Variants in SRPX observed in about 807,000 individuals in gnomAD.
SRPX encodes the protein sushi repeat-containing protein SRPX.
SRPX carries 24 observed loss-of-function variants against 38.1 expected under a neutral mutation model. The observed-to-expected ratio is 0.63, with a 90% confidence interval of 0.46 to 0.89. SRPX has a LOEUF of 0.89. SRPX is among the 40% of genes least tolerant of loss of function. The pLI, the probability that SRPX is intolerant of heterozygous loss-of-function variation, is 0.00. For missense variants in SRPX, 416 were observed against 377.8 expected (o/e 1.10, Z -0.84); for synonymous variants, 184 against 153.8 (o/e 1.20, Z -1.45).
chrX:38,194,607 T>TAAAACTAGCAACAACCCAAAATGCAC (rs1481894791), intron 1 of SRPX, among the ~76,000 whole-genome samples: 1 of 111,727 alleles, frequency 9.0e-6, no homozygotes, highest in African/African-American at 3.2e-5. Context: ...TACAAGAACA[T>TAAAACTAGCAACAACCCAAAATGCAC]AAAACTAGCA....
chrX:38,161,101 G>A (rs779706123), intron 5 of SRPX, 47 bp from the exon 6 acceptor site: 2 of 1,192,911 alleles, frequency 1.7e-6, no homozygotes, highest in South Asian at 1.8e-5. Flanking sequence ...TTATGGACCT[G>A]ACAAGCAAGT....
intron 2 of SRPX, among the ~76,000 whole-genome samples, chrX:38,177,809 A>G (rs1938592579): frequency 8.9e-6 from 1 of 111,976 alleles, no homozygotes; most frequent in Non-Finnish European, 1.9e-5. Flanking sequence ...TGAGCAACAT[A>G]CTTTAACATA....
chrX:38,203,555 G>T (rs1227228381), intron 1 of SRPX, among the ~76,000 whole-genome samples: 1 of 113,164 alleles, frequency 8.8e-6, no homozygotes, highest in African/African-American at 3.2e-5. Context: ...GAGGCGAGTG[G>T]ATCACCTGAG....
chrX:38,159,912 G>A (rs1938207907), intron 7 of SRPX, 105 bp downstream of exon 7: 1 of 899,063 alleles, frequency 1.1e-6, no homozygotes, highest in African/African-American at 2.0e-5. Flanking sequence ...AAGAGGGATG[G>A]CCATGAACTT....
chrX:38,195,409 C>T (rs1448295866), intron 1 of SRPX, among the ~76,000 whole-genome samples: 3 of 104,908 alleles, frequency 2.9e-5, no homozygotes, highest in African/African-American at 1.1e-4. Context: ...TTTACCATAC[C>T]CATATTATGT....
At chrX:38,195,252 T>A (rs1043795838) in intron 1 of SRPX, among the ~76,000 whole-genome samples, 3 of 111,210 alleles carry the variant, frequency 2.7e-5, no homozygotes, top group Non-Finnish European at 3.8e-5. Flanking sequence ...TTTAGGACAT[T>A]GGTTACCTCT....
chrX:38,219,113 A>G lies in SRPX; in HGVS notation c.97+1583T>C, dbSNP rs145030817. Among the ~76,000 whole-genome samples, 90 of 111,032 alleles carry G rather than the reference A, an allele frequency of 8.1e-4. 3 individuals carry two copies. In the East Asian group the frequency reaches 0.024, roughly 29 times the overall value. On this transcript the variant is annotated intron_variant, in intron 1 of 9. Coordinates refer to ENST00000378533, the MANE Select transcript of SRPX (RefSeq NM_006307.5). ...AGTGAATGCCCAAACTGGCGAACTC[A>G]TGATTCTGTGGCTGGGCCCTGGTAG... is the stretch of plus-strand genomic sequence containing the variant.
intron 1 of SRPX, among the ~76,000 whole-genome samples, chrX:38,178,696 G>A (rs920882345): frequency 2.7e-5 from 3 of 111,718 alleles, no homozygotes; most frequent in Non-Finnish European, 5.6e-5. Flanking sequence ...GTGTGCATCA[G>A]ACACAGTCCA....
At chrX:38,213,930 G>A (rs778201937) in intron 1 of SRPX, among the ~76,000 whole-genome samples, 3 of 111,331 alleles carry the variant, frequency 2.7e-5, no homozygotes, top group Non-Finnish European at 5.7e-5. Context: ...TGAGAAATCC[G>A]CCCCCCATGA....
intron 1 of SRPX, among the ~76,000 whole-genome samples, chrX:38,217,747 A>T (rs1024347428): frequency 4.5e-5 from 5 of 112,294 alleles, no homozygotes; most frequent in African/African-American, 1.6e-4. Flanking sequence ...AGAGAAAAGC[A>T]GCACTTTGGT....
intron 1 of SRPX, among the ~76,000 whole-genome samples, chrX:38,199,196 G>T (rs12393779): frequency 0.28 from 30,513 of 109,938 alleles, 4,174 homozygotes; most frequent in Non-Finnish European, 0.41. Flanking sequence ...CACGAGGTCA[G>T]GAGATCGAGA....
chrX:38,199,262 C>CT (rs1210666453), intron 1 of SRPX, among the ~76,000 whole-genome samples: 1 of 111,442 alleles, frequency 9.0e-6, no homozygotes, highest in African/African-American at 3.3e-5. Flanking sequence ...AAAAATTAGC[C>CT]AGGCGTGGTG....
rs1602447367 is a variant in SRPX, at chrX:38,172,179, C to T, written c.350-122G>A. On this transcript the variant is annotated intron_variant, in intron 3 of 9. Coordinates refer to ENST00000378533, the MANE Select transcript of SRPX (RefSeq NM_006307.5). ...TTAATTTAAATATAAGAAGGCCAGG[C>T]GCAGTGGCTCACTCCTGTAATCCCA... 22 of 740,215 alleles carry T rather than the reference C, an allele frequency of 3.0e-5. No individual in the cohort carries two copies. The East Asian group carries it at 7.4e-4, about 25-fold the overall frequency. 61.0% of individuals were successfully genotyped at this position (740,215 alleles called of 1,213,427 possible). A position where few individuals can be genotyped will look rare whatever the true frequency, so the allele number is the denominator to read the frequency against.
chrX:38,152,574 T>C (rs781699925), intron 9 of SRPX, among the ~76,000 whole-genome samples: 1 of 112,342 alleles, frequency 8.9e-6, no homozygotes, highest in Non-Finnish European at 1.9e-5. Context: ...CAGGGGATTC[T>C]GATGGAGGTT....
intron 2 of SRPX, among the ~76,000 whole-genome samples, chrX:38,177,835 T>C (rs914339476): frequency 1.5e-4 from 17 of 112,195 alleles, no homozygotes; most frequent in African/African-American, 5.2e-4. Context: ...TCAGAAGCCA[T>C]GCTGGGCTCA....
In SRPX at chrX:38,211,283, T is replaced by C. The variant is rs184436921; in HGVS notation, c.97+9413A>G. Reference sequence around the variant, plus strand: ...CATCTTTGGCCTGCCTGGACTTTGTTTGCAGACCTTCACCCTAGATTACTG... The same window carrying C: ...CATCTTTGGCCTGCCTGGACTTTGTCTGCAGACCTTCACCCTAGATTACTG... On this transcript the variant is annotated intron_variant, in intron 1 of 9. Transcript: ENST00000378533. Among the ~76,000 whole-genome samples the C allele has an allele frequency of 1.5e-3, 169 of 112,520 alleles. 1 individual carries two copies. Among genetic ancestry groups the C allele is most frequent in the Non-Finnish European group, 1.6e-3 (86 of 53,296 alleles).
chrX:38,206,473 A>G (rs1939214032), intron 1 of SRPX, among the ~76,000 whole-genome samples: 1 of 112,497 alleles, frequency 8.9e-6, no homozygotes, highest in Non-Finnish European at 1.9e-5. Context: ...CCAAGTGTCC[A>G]TCACAGAAGC....
chrX:38,152,138 A>G (rs1198610991), intron 9 of SRPX, among the ~76,000 whole-genome samples: 1 of 111,597 alleles, frequency 9.0e-6, no homozygotes, highest in Non-Finnish European at 1.9e-5. Flanking sequence ...TTCTTTGCCT[A>G]AATCATCTTT....
rs1302758274 is a variant in SRPX at position 38,171,856 on chromosome X, C to T, written c.526+25G>A. 1.1e-5 allele frequency: 13 copies of T among 1,207,124 alleles called. 1 individual carries two copies. The highest frequency in any genetic ancestry group is 1.8e-5 in the African/African-American group (1 of 57,079). On this transcript the variant is annotated intron_variant, in intron 4 of 9. Transcript: ENST00000378533. ...CCTGCTCCTCCCAAAGCAAGTGCCT[C>T]CTAAGGGCTGTGGCATTTTCTTACC...
Sources: allele counts gnomAD v4.1 joint callset (sites outside exome capture counted in the v4.1 genomes callset), GRCh38; gene constraint gnomAD v4.1.1; transcripts MANE v1.5; gene names NCBI Gene and HGNC (gene_info 2026-07-23, HGNC 2026-07-21).